ARMC9: variants seen among roughly 807,000 people sequenced by gnomAD.
ARMC9 encodes the protein armadillo repeat containing 9, also known as lisH domain-containing protein ARMC9.
ARMC9 carries 94 observed loss-of-function variants against 107.0 expected under a neutral mutation model. The ratio of observed to expected loss-of-function variants is 0.88; its 90% CI spans 0.74 to 1.04. The LOEUF (loss-of-function observed/expected upper bound fraction) is 1.04. ARMC9 is among the 50% of genes least tolerant of loss of function. The pLI is 0.00. For synonymous variants in ARMC9, 380 were observed against 396.9 expected, an observed-to-expected ratio of 0.96 and a Z score of 0.51; for missense variants, 942 against 1,030.1, an observed-to-expected ratio of 0.91 and a Z score of 1.17.
rs2046066659 is a variant in ARMC9 at position 231,372,691 on chromosome 2, T to C, written c.*1156T>C. ...TCTAAAATCAAATAAAACCCATCAGTATTTAGTGGTGTGTGTGTGTGTGTG... is the reference window on the plus strand; with the variant it reads ...TCTAAAATCAAATAAAACCCATCAGCATTTAGTGGTGTGTGTGTGTGTGTG... On this transcript the variant is annotated 3_prime_UTR_variant, in exon 25 of 25. Transcript: ENST00000611582. The C allele has an allele frequency of 6.7e-6, 1 of 149,152 alleles. No homozygotes were observed. The highest frequency in any genetic ancestry group is 2.5e-5 in the African/African-American group (1 of 40,104). 9.2% of individuals were successfully genotyped at this position (149,152 alleles called of 1,614,324 possible).
intron 11 of ARMC9, among the ~76,000 whole-genome samples, chr2:231,261,344 G>A (rs993802939): frequency 3.9e-5 from 6 of 152,122 alleles, no homozygotes; most frequent in African/African-American, 1.4e-4. Context: ...ATTTTTACTT[G>A]TAGCAACATG....
At chr2:231,207,569 G>T (rs2032206175) in intron 2 of ARMC9, among the ~76,000 whole-genome samples, 1 of 151,792 alleles carries the variant, frequency 6.6e-6, no homozygotes, top group Non-Finnish European at 1.5e-5. Flanking sequence ...TCCACCTCCT[G>T]GGCTCAAGCG....
chr2:231,366,662 G>A (rs568317557), intron 23 of ARMC9, among the ~76,000 whole-genome samples: 1 of 151,982 alleles, frequency 6.6e-6, no homozygotes, highest in South Asian at 2.1e-4. Flanking sequence ...CCAACATGGT[G>A]AAAACCCGTC....
At chr2:231,262,924 T>G (rs547686246) in intron 12 of ARMC9, among the ~76,000 whole-genome samples, 2 of 152,282 alleles carry the variant, frequency 1.3e-5, no homozygotes, top group South Asian at 4.1e-4. Flanking sequence ...AGGCACCTCC[T>G]CATCTGGGCA....
intron 19 of ARMC9, among the ~76,000 whole-genome samples, chr2:231,317,995 C>T (rs2042798053): frequency 6.6e-6 from 1 of 151,162 alleles, no homozygotes; most frequent in Admixed American, 6.7e-5. Flanking sequence ...CATCTGGGCC[C>T]ACTCAAAGTT....
intron 19 of ARMC9, among the ~76,000 whole-genome samples, chr2:231,307,871 A>G (rs532258215): frequency 6.6e-6 from 1 of 152,350 alleles, no homozygotes; most frequent in Admixed American, 6.5e-5. Flanking sequence ...GAAACTTAGC[A>G]AATAAGAGAG....
intron 23 of ARMC9, among the ~76,000 whole-genome samples, chr2:231,364,315 G>A (rs951453840): frequency 7.2e-5 from 11 of 152,232 alleles, no homozygotes; most frequent in Non-Finnish European, 1.5e-4. Flanking sequence ...GGAGCTCCTC[G>A]CACTCAGGCC....
In ARMC9 at chr2:231,208,099, GTTGAA is replaced by G. The variant is rs200979365; in HGVS notation, c.52-20_52-16del. 1,411 of 1,011,312 alleles carry G rather than the reference GTTGAA, an allele frequency of 1.4e-3. 10 individuals carry two copies. In the African/African-American group the frequency reaches 0.021, roughly 15 times the overall value. 62.6% of individuals were successfully genotyped at this position (1,011,312 alleles called of 1,614,324 possible). A position where few individuals can be genotyped will look rare whatever the true frequency, so the allele number is the denominator to read the frequency against. ...AATTGGATTATTTGTTTGTTTTGCT[GTTGAA>G]TTGAATTATTTATTTTTTATAGTAT... is the stretch of plus-strand genomic sequence containing the variant. On this transcript the variant is annotated intron_variant, in intron 2 of 24. Transcript: ENST00000611582.
intron 7 of ARMC9, among the ~76,000 whole-genome samples, chr2:231,230,405 T>G (rs1400809275): frequency 1.3e-5 from 2 of 152,158 alleles, no homozygotes; most frequent in Admixed American, 6.5e-5. Flanking sequence ...GCATCTTGGT[T>G]TAGTTGTTCT....
At chr2:231,256,494 C>G (rs1258688247) in intron 9 of ARMC9, 92 bp from the exon 10 acceptor site, 1 of 1,469,476 alleles carries the variant, frequency 6.8e-7, no homozygotes, top group Admixed American at 1.7e-5. Flanking sequence ...ACTTGCACAT[C>G]TGTTGATTCC....
At chr2:231,337,469 G>GT (rs1172469791) in intron 20 of ARMC9, among the ~76,000 whole-genome samples, 4,600 of 99,420 alleles carry the variant, frequency 0.046, 463 homozygotes, top group African/African-American at 0.17. Flanking sequence ...GCTAATTTTT[G>GT]TTTTTTTTTT....
rs1242476659 is a variant in ARMC9, at chr2:231,370,130, G to A, written c.2434+5G>A. 1 of 1,522,654 alleles carries A rather than the reference G, an allele frequency of 6.6e-7. No individual in the cohort carries two copies. The allele number at this position is 1,522,654 out of a possible 1,614,324, so 94.3% of individuals were successfully genotyped here. A position where few individuals can be genotyped will look rare whatever the true frequency, so the allele number is the denominator to read the frequency against. ...CCTCCACAAGGGGCCTGCCGAGTAAGTCAGCCTGGGCCCCACTGGCGTGGG... is the reference window on the plus strand; with the variant it reads ...CCTCCACAAGGGGCCTGCCGAGTAAATCAGCCTGGGCCCCACTGGCGTGGG... On this transcript the variant is annotated splice_donor_5th_base_variant and intron_variant, in intron 24 of 24. Coordinates refer to ENST00000611582, the MANE Select transcript of ARMC9 (RefSeq NM_001352754.2).
rs74816123 is a variant in ARMC9 at position 231,256,694 on chromosome 2, A to G, written c.914+74A>G. The G allele has an allele frequency of 0.027, 41,234 of 1,509,822 alleles. 726 individuals are homozygous for G. The highest frequency in any genetic ancestry group is 0.031 in the Non-Finnish European group (34,033 of 1,086,148). The allele number at this position is 1,509,822 out of a possible 1,614,324, so 93.5% of individuals were successfully genotyped here. ...AAAACGGGAATTCAAAGTGTCTTTAATAAACACTTAGCAGCCTAGGTTAGA... is the reference window on the plus strand; with the variant it reads ...AAAACGGGAATTCAAAGTGTCTTTAGTAAACACTTAGCAGCCTAGGTTAGA... On this transcript the variant is annotated intron_variant, in intron 10 of 24. Coordinates refer to ENST00000611582, the MANE Select transcript of ARMC9 (RefSeq NM_001352754.2).
At chr2:231,354,677 T>C (rs921867760) in intron 21 of ARMC9, among the ~76,000 whole-genome samples, 2 of 152,160 alleles carry the variant, frequency 1.3e-5, no homozygotes, top group African/African-American at 4.8e-5. Context: ...CCACCACGCC[T>C]AGCCAGACAT....
rs151008567 is a variant in ARMC9, at chr2:231,231,440, G to A, written c.623-3784G>A. On this transcript the variant is annotated intron_variant, in intron 7 of 24. Coordinates refer to ENST00000611582, the MANE Select transcript of ARMC9 (RefSeq NM_001352754.2). ...GCGCTGTTGCCCAGGCTGGAGTGCCGTGGCATGATCTTGGCTCACTGCAAC... is the reference window on the plus strand; with the variant it reads ...GCGCTGTTGCCCAGGCTGGAGTGCCATGGCATGATCTTGGCTCACTGCAAC... 2.5e-3 allele frequency among the ~76,000 whole-genome samples: 376 copies of A among 152,202 alleles called. 4 individuals carry two copies. Among genetic ancestry groups the A allele is most frequent in the African/African-American group, 8.5e-3 (351 of 41,532 alleles).
intron 21 of ARMC9, among the ~76,000 whole-genome samples, chr2:231,350,209 A>G (rs762413813): frequency 2.0e-5 from 3 of 151,918 alleles, no homozygotes; most frequent in Non-Finnish European, 4.4e-5. Context: ...AATTTTTTGT[A>G]GAGAAGGGAT....
chr2:231,366,361 C>G (rs913267691), intron 23 of ARMC9, among the ~76,000 whole-genome samples: 1 of 152,026 alleles, frequency 6.6e-6, no homozygotes. Context: ...AATATTTGAC[C>G]GAATATCTGG....
rs1296256133 is a variant in ARMC9, at chr2:231,353,865, C to A, written c.1995-1933C>A. On this transcript the variant is annotated intron_variant, in intron 21 of 24. Coordinates refer to ENST00000611582, the MANE Select transcript of ARMC9 (RefSeq NM_001352754.2). ...ACAAGCATCAGAGCCCCCCAGGACA[C>A]CCTGCCCCCTCCACACTACTGTCGC... Among the ~76,000 whole-genome samples the A allele has an allele frequency of 2.0e-5, 3 of 152,062 alleles. No homozygotes were observed. In the East Asian group the frequency reaches 5.8e-4, roughly 29 times the overall value.
In ARMC9 at chr2:231,226,756, A is replaced by G. The variant is rs1462025378; in HGVS notation, c.598-18A>G. On this transcript the variant is annotated intron_variant, in intron 6 of 24. Transcript: ENST00000611582. Reference sequence around the variant, plus strand: ...GTTCCCTGAATGCCTGTTTTCCTGAACTTCTTTTTCATCCCAGAAGGAGAA... The same window carrying G: ...GTTCCCTGAATGCCTGTTTTCCTGAGCTTCTTTTTCATCCCAGAAGGAGAA... The G allele has an allele frequency of 6.2e-7, 1 of 1,613,028 alleles. No individual in the cohort carries two copies. The highest frequency in any genetic ancestry group is 8.5e-7 in the Non-Finnish European group (1 of 1,179,228).
Sources: gnomAD v4.1 joint callset for allele counts (sites outside exome capture counted in the v4.1 genomes callset) on GRCh38, gnomAD v4.1.1 for gene constraint, MANE v1.5 for transcripts, NCBI Gene and HGNC (gene_info 2026-07-23, HGNC 2026-07-21) for gene names.